Variants in SUFU observed in about 807,000 individuals in gnomAD.
SUFU encodes SUFU negative regulator of hedgehog signaling, also known as suppressor of fused homolog.
Under a neutral mutation model 58.9 loss-of-function variants are expected in SUFU, and 7 were observed. That is an observed-to-expected ratio of 0.12 (90% CI 0.07 to 0.22). The LOEUF is 0.22. Ranked by LOEUF, SUFU falls within the 10% of genes least tolerant of loss-of-function variation. SUFU has a pLI of 1.00. For synonymous variants in SUFU, 232 were observed against 254.8 expected (o/e 0.91, Z 0.85); for missense variants, 451 against 641.3 (o/e 0.70, Z 3.20).
chr10:102,601,376 T>G (rs1353894736), intron 8 of SUFU, among the ~76,000 whole-genome samples: 1 of 152,144 alleles, frequency 6.6e-6, no homozygotes, highest in African/African-American at 2.4e-5. Context: ...GCCCAAGGGT[T>G]CTCTGTAAAC....
rs1240436102 is a variant in SUFU at position 102,594,004 on chromosome 10, C to T, written c.695C>T (p.Pro232Leu). ...LLRTVPIAGG[P>L]WLITDMRRGE... Reference sequence around the variant, plus strand: ...TTCCTTGTCCACAGTGCTGGCGGCCCCTGGCTGATAACTGACATGCGGAGG... The same window carrying T: ...TTCCTTGTCCACAGTGCTGGCGGCCTCTGGCTGATAACTGACATGCGGAGG... The change falls in exon 6 of 12, where the codon CCC (proline) becomes CTC (leucine). Residue 232 changes from proline to leucine, a missense_variant. Transcript: ENST00000369902. The T allele has an allele frequency of 1.1e-5, 17 of 1,614,168 alleles. No homozygotes were observed. Among genetic ancestry groups the T allele is most frequent in the Non-Finnish European group, 1.4e-5 (17 of 1,180,012 alleles).
At chr10:102,531,654 G>T (rs1450159140) in intron 2 of SUFU, among the ~76,000 whole-genome samples, 2 of 134 alleles carry the variant, frequency 0.015, no homozygotes, top group Non-Finnish European at 0.05. Context: ...CTTGGTCAGG[G>T]TCCCAAATAA....
intron 6 of SUFU, among the ~76,000 whole-genome samples, chr10:102,596,127 G>A (rs1446582268): frequency 6.6e-6 from 1 of 152,204 alleles, no homozygotes; most frequent in Non-Finnish European, 1.5e-5. Context: ...TGACTGATGG[G>A]AAGGAGGCGT....
chr10:102,620,444 C>A (rs899483204), intron 10 of SUFU, among the ~76,000 whole-genome samples: 1 of 152,196 alleles, frequency 6.6e-6, no homozygotes, highest in African/African-American at 2.4e-5. Flanking sequence ...AGAGTCAGGG[C>A]CCCAGCATGT....
At position 102,550,018 on chromosome 10, in the gene SUFU, T is replaced by G. The variant is rs1216193400; in HGVS notation, c.366T>G (p.Phe122Leu). ...GPSGFGFELT[F>L]RLKRETGESA... is the part of the protein sequence containing the mutation. ...GTGGTTTTGGCTTTGAGTTGACCTT[T>G]CGTCTGAAGAGAGAAACTGGGGAGT... Residue 122 changes from phenylalanine to leucine, a missense_variant, in exon 3 of 12, where the codon TTT (phenylalanine) becomes TTG (leucine). Transcript: ENST00000369902. The G allele has an allele frequency of 1.2e-6, 2 of 1,614,072 alleles. No homozygotes were observed. Among genetic ancestry groups the G allele is most frequent in the Non-Finnish European group, 1.7e-6 (2 of 1,180,050 alleles).
At chr10:102,565,700 A>G (rs1384285396) in intron 3 of SUFU, among the ~76,000 whole-genome samples, 1 of 152,126 alleles carries the variant, frequency 6.6e-6, no homozygotes, top group Non-Finnish European at 1.5e-5. Flanking sequence ...GCCCGCCACC[A>G]CGCACGGCTA....
intron 3 of SUFU, among the ~76,000 whole-genome samples, chr10:102,581,567 AGTCCACCAT>A (rs1164530536): frequency 6.6e-6 from 1 of 152,192 alleles, no homozygotes; most frequent in Non-Finnish European, 1.5e-5. Context: ...TCCGCTGCGC[AGTCCACCAT>A]GGCCGCAGCA....
At chr10:102,565,414 T>C (rs958528751) in intron 3 of SUFU, among the ~76,000 whole-genome samples, 5 of 152,130 alleles carry the variant, frequency 3.3e-5, no homozygotes, top group Admixed American at 2.0e-4. Context: ...CTAGAGTTTG[T>C]TGGGGTTGGG....
chr10:102,582,562 C>T (rs914601596), intron 3 of SUFU, among the ~76,000 whole-genome samples: 2 of 152,072 alleles, frequency 1.3e-5, no homozygotes, highest in East Asian at 3.9e-4. Context: ...TTCAGCACCC[C>T]CCACGTTTTC....
intron 8 of SUFU, among the ~76,000 whole-genome samples, chr10:102,614,441 C>T (rs1320805101): frequency 6.6e-6 from 1 of 150,788 alleles, no homozygotes; most frequent in East Asian, 2.0e-4. Flanking sequence ...CCCTGTAATC[C>T]CAGCTACTTG....
intron 2 of SUFU, among the ~76,000 whole-genome samples, chr10:102,527,023 G>A (rs2062616617): frequency 7.8e-6 from 1 of 128,410 alleles, no homozygotes; most frequent in Non-Finnish European, 1.6e-5. Flanking sequence ...TTGAGATGGA[G>A]TCTCGCTCTG....
intron 8 of SUFU, among the ~76,000 whole-genome samples, chr10:102,610,286 G>A (rs1439728830): frequency 1.3e-5 from 2 of 151,074 alleles, no homozygotes; most frequent in Non-Finnish European, 2.9e-5. Flanking sequence ...CTAGCTGCTC[G>A]GTAGGCTGAG....
At position 102,548,519 on chromosome 10, in the gene SUFU, G is replaced by T. The variant is rs550475819; in HGVS notation, c.318-1451G>T. 3.4e-4 allele frequency among the ~76,000 whole-genome samples: 52 copies of T among 152,300 alleles called. No individual in the cohort carries two copies. In the South Asian group the frequency reaches 3.5e-3, roughly 10 times the overall value. ...ATCACCTGTTTCAGGAGCTTGGTTG[G>T]CTGTCATCTTAGTTTATGGTTTGTG... On this transcript the variant is annotated intron_variant, in intron 2 of 11. Coordinates refer to ENST00000369902, the MANE Select transcript of SUFU (RefSeq NM_016169.4).
chr10:102,516,207 A>G (rs1172112740), intron 2 of SUFU, among the ~76,000 whole-genome samples: 1 of 136,122 alleles, frequency 7.3e-6, no homozygotes, highest in African/African-American at 2.8e-5. Context: ...CTCTGCTGAG[A>G]TTATTTATAG....
chr10:102,565,892 C>T (rs1361756130), intron 3 of SUFU, among the ~76,000 whole-genome samples: 1 of 152,204 alleles, frequency 6.6e-6, no homozygotes, highest in African/African-American at 2.4e-5. Context: ...AATTCACCCT[C>T]GGACAAGGTC....
intron 10 of SUFU, among the ~76,000 whole-genome samples, chr10:102,623,996 C>T (rs895769224): frequency 1.3e-5 from 2 of 152,078 alleles, no homozygotes; most frequent in Non-Finnish European, 2.9e-5. Context: ...TACCCTTGGG[C>T]AAAGTGGGGA....
In SUFU at chr10:102,558,841, G is replaced by A. The variant is rs80351682; in HGVS notation, c.454+8735G>A. On this transcript the variant is annotated intron_variant, in intron 3 of 11. Transcript: ENST00000369902. ...CAGATTATTAGAGGAGATGTCGATG[G>A]AGCGGGCACTTTCTGTTCTGTCTTG... Among the ~76,000 whole-genome samples, 255 of 152,340 alleles carry A rather than the reference G, an allele frequency of 1.7e-3. 1 individual carries two copies. The highest frequency in any genetic ancestry group is 0.01 in the Middle Eastern group (3 of 294).
intron 2 of SUFU, among the ~76,000 whole-genome samples, chr10:102,514,934 C>T (rs560851698): frequency 5.3e-5 from 8 of 152,356 alleles, no homozygotes; most frequent in Admixed American, 2.6e-4. Context: ...CTGTACAAGT[C>T]GGGCTGGTTC....
At chr10:102,589,850 G>A (rs577969698) in intron 3 of SUFU, among the ~76,000 whole-genome samples, 2 of 152,238 alleles carry the variant, frequency 1.3e-5, no homozygotes, top group South Asian at 2.1e-4. Context: ...GTTCCTGATC[G>A]TAGAAGGAAT....
Sources: allele counts gnomAD v4.1 joint callset (sites outside exome capture counted in the v4.1 genomes callset), GRCh38; gene constraint gnomAD v4.1.1; transcripts MANE v1.5; gene names NCBI Gene and HGNC (gene_info 2026-07-23, HGNC 2026-07-21).